The following KDM4C variants were observed in gnomAD, a reference collection of about 807,000 sequenced individuals.
The protein encoded by KDM4C is lysine demethylase 4C.
KDM4C carries 81 observed loss-of-function variants against 129.3 expected under a neutral mutation model. The ratio of observed to expected loss-of-function variants is 0.63; its 90% CI spans 0.52 to 0.75. KDM4C has a LOEUF of 0.75. KDM4C is among the 30% of genes least tolerant of loss of function. The probability of loss-of-function intolerance (pLI) is 0.00; values close to 1 mark genes in which losing one functional copy is unlikely to be tolerated. For missense variants in KDM4C, 1,457 were observed against 1,304.0 expected (o/e 1.12, Z -1.81); for synonymous variants, 573 against 456.1 (o/e 1.26, Z -3.26).
chr9:7,110,381 A>G (rs901109576), intron 18 of KDM4C, among the ~76,000 whole-genome samples: 2 of 152,200 alleles, frequency 1.3e-5, no homozygotes, highest in African/African-American at 2.4e-5. Flanking sequence ...TTCAGGGTTC[A>G]TGTTGATATA....
intron 5 of KDM4C, among the ~76,000 whole-genome samples, chr9:6,854,988 A>G (rs1330050238): frequency 1.3e-5 from 2 of 152,192 alleles, no homozygotes; most frequent in Admixed American, 6.5e-5. Flanking sequence ...TTGTAAGGCA[A>G]TTGTGTGGAT....
rs1037950313 is a variant in KDM4C, at chr9:7,023,183, C to T, written c.2259+7254C>T. Among the ~76,000 whole-genome samples the T allele has an allele frequency of 3.3e-5, 5 of 152,228 alleles. No individual in the cohort carries two copies. The South Asian group carries it at 1.0e-3, about 32-fold the overall frequency. On this transcript the variant is annotated intron_variant, in intron 15 of 21. Transcript: ENST00000381309. ...AGTGAGCTTGGAAGTGTTCCCTCAT[C>T]CTCTACTTTTTGGAAGAGTTTAAGT...
intron 18 of KDM4C, among the ~76,000 whole-genome samples, chr9:7,108,246 T>C (rs1010259713): frequency 6.6e-6 from 1 of 150,986 alleles, no homozygotes; most frequent in Admixed American, 6.6e-5. Context: ...TTGTTTTTTA[T>C]TTTTTTTTGG....
At chr9:6,766,559 C>T (rs887376736) in intron 1 of KDM4C, among the ~76,000 whole-genome samples, 6 of 151,492 alleles carry the variant, frequency 4.0e-5, no homozygotes, top group African/African-American at 1.5e-4. Flanking sequence ...TTCAGTCGAC[C>T]GAGAGTGTCA....
At chr9:7,068,555 C>G (rs1039166266) in intron 17 of KDM4C, among the ~76,000 whole-genome samples, 2 of 152,160 alleles carry the variant, frequency 1.3e-5, no homozygotes, top group African/African-American at 4.8e-5. Flanking sequence ...AACGTGCCAG[C>G]TGCCTTGAAA....
intron 1 of KDM4C, among the ~76,000 whole-genome samples, chr9:6,780,472 C>A (rs964355864): frequency 6.6e-6 from 1 of 151,602 alleles, no homozygotes; most frequent in Admixed American, 6.6e-5. Flanking sequence ...CACAAAAAAA[C>A]GAAAGAGAAA....
intron 17 of KDM4C, among the ~76,000 whole-genome samples, chr9:7,088,382 C>T (rs1048137227): frequency 2.0e-5 from 3 of 152,166 alleles, no homozygotes; most frequent in African/African-American, 7.2e-5. Context: ...TTAAACTCTC[C>T]TTTAAGAAAT....
At chr9:7,078,499 G>A (rs1834172389) in intron 17 of KDM4C, among the ~76,000 whole-genome samples, 1 of 151,084 alleles carries the variant, frequency 6.6e-6, no homozygotes, top group Non-Finnish European at 1.5e-5. Flanking sequence ...CCATATTCAT[G>A]TTCTCCTTAA....
intron 2 of KDM4C, among the ~76,000 whole-genome samples, chr9:6,803,500 G>T (rs1588380661): frequency 6.6e-6 from 1 of 151,698 alleles, no homozygotes; most frequent in Admixed American, 6.6e-5. Flanking sequence ...ACCCCGGGAG[G>T]TGGAGGTTGC....
intron 4 of KDM4C, among the ~76,000 whole-genome samples, chr9:6,841,674 A>G (rs1289175350): frequency 2.0e-5 from 3 of 152,196 alleles, no homozygotes; most frequent in South Asian, 2.1e-4. Context: ...GGCTGCTTCC[A>G]CAGTCTCCGT....
intron 5 of KDM4C, among the ~76,000 whole-genome samples, chr9:6,877,043 G>C (rs918240962): frequency 5.3e-5 from 8 of 152,136 alleles, no homozygotes; most frequent in African/African-American, 1.4e-4. Context: ...GAATCAGCTA[G>C]GGAGCTTTTT....
intron 17 of KDM4C, among the ~76,000 whole-genome samples, chr9:7,097,497 A>G (rs975991980): frequency 6.6e-6 from 1 of 152,168 alleles, no homozygotes; most frequent in African/African-American, 2.4e-5. Context: ...GGGCTCCTCC[A>G]TGACCTGAGT....
chr9:6,736,804 A>G (rs951537996), intron 1 of KDM4C, among the ~76,000 whole-genome samples: 7 of 152,122 alleles, frequency 4.6e-5, no homozygotes, highest in Non-Finnish European at 8.8e-5. Context: ...TAATCCCAGA[A>G]CTTTTGGAGG....
chr9:6,756,690 C>G (rs1452482123), upstream of KDM4C, among the ~76,000 whole-genome samples: 1 of 152,208 alleles, frequency 6.6e-6, no homozygotes, highest in Non-Finnish European at 1.5e-5. Flanking sequence ...GCACTCCAAA[C>G]TGGGCGACAC....
At chr9:7,129,632 G>T (rs1340059138) in intron 19 of KDM4C, among the ~76,000 whole-genome samples, 2 of 152,070 alleles carry the variant, frequency 1.3e-5, no homozygotes, top group African/African-American at 4.8e-5. Context: ...TGTAATCCTT[G>T]CTCAGTCTTG....
intron 4 of KDM4C, among the ~76,000 whole-genome samples, chr9:6,830,778 T>A (rs1390206738): frequency 6.6e-6 from 1 of 152,204 alleles, no homozygotes. Flanking sequence ...TTATGAAGAA[T>A]AAAAGGGAAA....
chr9:6,730,950 G>A (rs1054760698), intron 1 of KDM4C, among the ~76,000 whole-genome samples: 1 of 152,210 alleles, frequency 6.6e-6, no homozygotes, highest in African/African-American at 2.4e-5. Context: ...TACCTATTTA[G>A]TTAGGTTGCA....
At chr9:7,041,870 C>A (rs1828662726) in intron 15 of KDM4C, among the ~76,000 whole-genome samples, 1 of 152,034 alleles carries the variant, frequency 6.6e-6, no homozygotes, top group African/African-American at 2.4e-5. Flanking sequence ...CTTTTAAGAA[C>A]TATGGAATAT....
intron 4 of KDM4C, among the ~76,000 whole-genome samples, chr9:6,822,761 G>GA (rs1833248095): frequency 6.6e-6 from 1 of 152,222 alleles, no homozygotes; most frequent in African/African-American, 2.4e-5. Flanking sequence ...GGGACTGAGA[G>GA]AAAATAAGAT....
Sources: gnomAD v4.1 joint callset for allele counts (sites outside exome capture counted in the v4.1 genomes callset) on GRCh38, gnomAD v4.1.1 for gene constraint, MANE v1.5 for transcripts, NCBI Gene and HGNC (gene_info 2026-07-23, HGNC 2026-07-21) for gene names.